The following PSPC1 variants were observed in gnomAD, a reference collection of about 807,000 sequenced individuals.
The protein encoded by PSPC1 is paraspeckle component 1.
In PSPC1, 14 loss-of-function variants were observed where a neutral mutation model predicts 51.6. The ratio of observed to expected loss-of-function variants is 0.27; its 90% CI spans 0.18 to 0.42. The LOEUF (loss-of-function observed/expected upper bound fraction) is 0.42. Ranked by LOEUF, PSPC1 falls within the 10% of genes least tolerant of loss-of-function variation. PSPC1 has a pLI of 1.00. For missense variants in PSPC1, 406 were observed against 701.1 expected (o/e 0.58, Z 4.75); for synonymous variants, 193 against 231.9 (o/e 0.83, Z 1.53).
chr13:19,745,740 C>T (rs1187056663), intron 4 of PSPC1, among the ~76,000 whole-genome samples: 2 of 151,008 alleles, frequency 1.3e-5, no homozygotes, highest in Admixed American at 6.6e-5. Context: ...CCGCCTCAGC[C>T]TCCCAAGTAG....
At chr13:19,759,630 G>A (rs757870286) in intron 2 of PSPC1, among the ~76,000 whole-genome samples, 1 of 152,132 alleles carries the variant, frequency 6.6e-6, no homozygotes, top group Non-Finnish European at 1.5e-5. Flanking sequence ...GGAGGCCAAG[G>A]AGGGCACATC....
intron 6 of PSPC1, among the ~76,000 whole-genome samples, chr13:19,719,390 T>C (rs1292173244): frequency 1.3e-5 from 2 of 152,190 alleles, no homozygotes; most frequent in African/African-American, 2.4e-5. Flanking sequence ...GCTGGACTTA[T>C]ACTCACTGGG....
chr13:19,687,046 TA>T (rs1436899351), intron 6 of PSPC1, among the ~76,000 whole-genome samples: 1 of 151,724 alleles, frequency 6.6e-6, no homozygotes, highest in East Asian at 1.9e-4. Context: ...AAAATAAAAA[TA>T]AAAAATTAGC....
intron 5 of PSPC1, among the ~76,000 whole-genome samples, chr13:19,730,620 G>T (rs532860868): frequency 5.3e-5 from 8 of 152,028 alleles, no homozygotes; most frequent in Admixed American, 4.6e-4. Flanking sequence ...TCAAGAAATT[G>T]AGAGTCAAAA....
At chr13:19,671,275 G>A (rs1876112567), downstream of PSPC1, 1 of 1,613,360 alleles carries the variant, frequency 6.2e-7, no homozygotes, top group Non-Finnish European at 8.5e-7. Flanking sequence ...GTTGACAGAA[G>A]CACCCTCTGC....
chr13:19,782,842 C>CTTT lies in PSPC1; in HGVS notation c.-86_-85insAAA. 1 of 1,347,468 alleles carries CTTT rather than the reference C, an allele frequency of 7.4e-7. No individual in the cohort carries two copies. Among genetic ancestry groups the CTTT allele is most frequent in the Non-Finnish European group, 9.6e-7 (1 of 1,046,392 alleles). 83.5% of individuals were successfully genotyped at this position (1,347,468 alleles called of 1,614,324 possible). On this transcript the variant is annotated 5_prime_UTR_variant, in exon 1 of 9. Transcript: ENST00000338910. This position sits in a 1 kb window ranked among gnomAD's most constrained non-coding sequence, Gnocchi z 4.5. ...ATATATGTATACGTCTCTACATAAACCTATGCCAACAAAATATCGACAATC... is the reference window on the plus strand; with the variant it reads ...ATATATGTATACGTCTCTACATAAACTTTCTATGCCAACAAAATATCGACAATC...
intron 3 of PSPC1, among the ~76,000 whole-genome samples, chr13:19,752,529 A>G (rs1008664772): frequency 8.5e-5 from 13 of 152,084 alleles, no homozygotes; most frequent in African/African-American, 2.9e-4. Flanking sequence ...GTGCAAAATT[A>G]CAGGTACAAG....
chr13:19,687,141 T>C (rs901729987), intron 6 of PSPC1, among the ~76,000 whole-genome samples: 3 of 152,108 alleles, frequency 2.0e-5, no homozygotes, highest in African/African-American at 7.2e-5. Flanking sequence ...GCGGAGGTTG[T>C]GGTGAGCTGA....
At chr13:19,765,592 G>A (rs1158811542) in intron 2 of PSPC1, among the ~76,000 whole-genome samples, 1 of 150,348 alleles carries the variant, frequency 6.7e-6, no homozygotes, top group East Asian at 1.9e-4. Flanking sequence ...CTTCAGAGTA[G>A]CTGGGACTAC....
downstream of PSPC1, among the ~76,000 whole-genome samples, chr13:19,698,338 C>G (rs1302659505): frequency 1.3e-5 from 2 of 151,768 alleles, no homozygotes; most frequent in South Asian, 4.1e-4. Flanking sequence ...ATTAAGGTAT[C>G]TATTTCAAAG....
chr13:19,675,138 C>T (rs957877844), intron 7 of PSPC1: 5 of 152,990 alleles, frequency 3.3e-5, no homozygotes, highest in South Asian at 2.1e-4. Context: ...TGCCGACTCC[C>T]GCTATTTGCT....
intron 6 of PSPC1, among the ~76,000 whole-genome samples, chr13:19,692,633 A>C (rs1264038741): frequency 6.6e-6 from 1 of 152,078 alleles, no homozygotes; most frequent in African/African-American, 2.4e-5. Context: ...CAAATGGATT[A>C]TGCCCTCCTC....
At chr13:19,686,719 G>A (rs1397377311) in intron 6 of PSPC1, among the ~76,000 whole-genome samples, 1 of 152,064 alleles carries the variant, frequency 6.6e-6, no homozygotes, top group African/African-American at 2.4e-5. Flanking sequence ...ATTTTTATTA[G>A]GTATTCTTTC....
At chr13:19,723,792 G>C (rs1279586235) in intron 6 of PSPC1, among the ~76,000 whole-genome samples, 2 of 152,124 alleles carry the variant, frequency 1.3e-5, no homozygotes, top group Admixed American at 1.3e-4. Flanking sequence ...CAAATATTGA[G>C]AAAAATCCTT....
rs1388786084 is a variant in PSPC1 at position 19,782,138 on chromosome 13, C to A, written c.372+248G>T. 6.6e-6 allele frequency among the ~76,000 whole-genome samples: 1 copy of A among 152,244 alleles called. No homozygotes were observed. Among genetic ancestry groups the A allele is most frequent in the East Asian group, 1.9e-4 (1 of 5,188 alleles). On this transcript the variant is annotated intron_variant, in intron 1 of 8. Transcript: ENST00000338910. This position sits in a 1 kb window ranked among gnomAD's most constrained non-coding sequence, Gnocchi z 4.5. ...CAGCAGGCCTGCAGCCACCGCAAAG[C>A]ACGATCGGCGCACGGCAGAAAACGG... is the stretch of plus-strand genomic sequence containing the variant.
intron 3 of PSPC1, among the ~76,000 whole-genome samples, chr13:19,755,364 C>T (rs1886966781): frequency 6.6e-6 from 1 of 151,970 alleles, no homozygotes; most frequent in Non-Finnish European, 1.5e-5. Context: ...CTGACGCAGG[C>T]AGATCACAAG....
chr13:19,774,430 A>G (rs1888901175), intron 1 of PSPC1, among the ~76,000 whole-genome samples: 1 of 152,228 alleles, frequency 6.6e-6, no homozygotes, highest in Non-Finnish European at 1.5e-5. Context: ...AATTATTTTT[A>G]CAAAAACAAA....
chr13:19,738,678 C>T (rs1022223784), intron 5 of PSPC1, among the ~76,000 whole-genome samples: 2 of 152,034 alleles, frequency 1.3e-5, no homozygotes, highest in African/African-American at 2.4e-5. Flanking sequence ...GAGGCTGAGG[C>T]GGGAGGATCA....
rs1197973468 is a variant in PSPC1 at position 19,750,734 on chromosome 13, T to C, written c.967+537A>G. ...ACTGGCACAATTTAATACCCGCAAATTACCTCCAACACTACTGCTTGCATA... is the reference window on the plus strand; with the variant it reads ...ACTGGCACAATTTAATACCCGCAAACTACCTCCAACACTACTGCTTGCATA... On this transcript the variant is annotated intron_variant, in intron 4 of 8. Transcript: ENST00000338910. 2.0e-5 allele frequency among the ~76,000 whole-genome samples: 3 copies of C among 152,020 alleles called. No individual in the cohort carries two copies. The East Asian group carries it at 5.8e-4, about 29-fold the overall frequency.
Sources: gnomAD v4.1 joint callset for allele counts (sites outside exome capture counted in the v4.1 genomes callset) on GRCh38, gnomAD v4.1.1 for gene constraint, Gnocchi (gnomAD v3.1) non-coding constraint, MANE v1.5 for transcripts, NCBI Gene and HGNC (gene_info 2026-07-23, HGNC 2026-07-21) for gene names.